The following PEX14 variants were observed in gnomAD, a reference collection of about 807,000 sequenced individuals.
PEX14 encodes peroxisomal membrane protein PEX14.
Under a neutral mutation model 49.5 loss-of-function variants are expected in PEX14, and 15 were observed. That is an observed-to-expected ratio of 0.30 (90% CI 0.20 to 0.47). The LOEUF is 0.47. Among genes scored for constraint, PEX14 ranks in the 20% least tolerant of loss-of-function variants. The pLI is 1.00. For missense variants in PEX14, 398 were observed against 494.8 expected, an observed-to-expected ratio of 0.80 and a Z score of 1.86; for synonymous variants, 210 against 212.7, an observed-to-expected ratio of 0.99 and a Z score of 0.11.
At chr1:10,489,571 C>A (rs585870) in intron 1 of PEX14, among the ~76,000 whole-genome samples, 111,783 of 152,116 alleles carry the variant, frequency 0.73, 41,300 homozygotes, top group African/African-American at 0.82. Context: ...ATGTCAGCTC[C>A]TAGCTTCTTC....
chr1:10,517,218 A>ACTCT (rs146875107), intron 2 of PEX14: 64,125 of 151,826 alleles, frequency 0.42, 14,723 homozygotes, highest in East Asian at 0.53. Context: ...TCTTCCCTTA[A>ACTCT]GTTCCAAGAA....
chr1:10,525,330 A>G (rs1005651314), intron 2 of PEX14, among the ~76,000 whole-genome samples: 1 of 152,218 alleles, frequency 6.6e-6, no homozygotes, highest in Non-Finnish European at 1.5e-5. Flanking sequence ...TAAAAAAAAA[A>G]AAAGACATTT....
At chr1:10,561,298 G>C (rs554013185) in intron 3 of PEX14, among the ~76,000 whole-genome samples, 1 of 152,144 alleles carries the variant, frequency 6.6e-6, no homozygotes, top group East Asian at 1.9e-4. Context: ...CAGATTCAGG[G>C]GACAGTCGGG....
rs1422425572 is a variant in PEX14 at position 10,577,573 on chromosome 1, T to A, written c.170-21665T>A. Among the ~76,000 whole-genome samples, 41 of 6,796 alleles carry A rather than the reference T, an allele frequency of 6.0e-3. 2 individuals carry two copies. The highest frequency in any genetic ancestry group is 0.018 in the African/African-American group (34 of 1,838). 4.5% of individuals were successfully genotyped at this position (6,796 alleles called of 152,430 possible). On this transcript the variant is annotated intron_variant, in intron 3 of 8. Coordinates refer to ENST00000356607, the MANE Select transcript of PEX14 (RefSeq NM_004565.3). ...ATATATATATATATATTTTTTTTTT[T>A]TTTTTTTTTTTTTTTTTTTTTTTTT...
chr1:10,534,307 G>A (rs964738032), intron 2 of PEX14, among the ~76,000 whole-genome samples: 15 of 152,004 alleles, frequency 9.9e-5, no homozygotes, highest in Non-Finnish European at 1.6e-4. Flanking sequence ...CAGTGACTGG[G>A]TACCTGTTCA....
At chr1:10,587,895 C>CTTTT (rs762006360) in intron 3 of PEX14, among the ~76,000 whole-genome samples, 2,184 of 54,290 alleles carry the variant, frequency 0.04, 87 homozygotes, top group Middle Eastern at 0.091. Flanking sequence ...CACACATGTG[C>CTTTT]TTTTTTTTTT....
intron 2 of PEX14, among the ~76,000 whole-genome samples, chr1:10,517,747 G>A (rs902434551): frequency 8.0e-5 from 12 of 150,746 alleles, no homozygotes; most frequent in African/African-American, 2.7e-4. Flanking sequence ...AGCATTGTCA[G>A]AGTATATGGG....
At chr1:10,513,270 C>G (rs1641915705) in intron 2 of PEX14, among the ~76,000 whole-genome samples, 1 of 152,142 alleles carries the variant, frequency 6.6e-6, no homozygotes, top group South Asian at 2.1e-4. Flanking sequence ...TTGTCTGATT[C>G]TAACATAGCT....
Position 10,542,329 on chromosome 1 carries a change from C to T in PEX14, c.169+6032C>T, listed in dbSNP as rs1445133956. Reference sequence around the variant, plus strand: ...CAGAAACACGAATGCTTTCTAAATACAGTGGTAGCATATTTTACACTTTAC... The same window carrying T: ...CAGAAACACGAATGCTTTCTAAATATAGTGGTAGCATATTTTACACTTTAC... On this transcript the variant is annotated intron_variant, in intron 3 of 8. Coordinates refer to ENST00000356607, the MANE Select transcript of PEX14 (RefSeq NM_004565.3). Among the ~76,000 whole-genome samples, 8 of 152,322 alleles carry T rather than the reference C, an allele frequency of 5.3e-5. No homozygotes were observed. In the South Asian group the frequency reaches 1.7e-3, roughly 32 times the overall value.
At chr1:10,583,372 A>G (rs1321098373) in intron 3 of PEX14, among the ~76,000 whole-genome samples, 3 of 137,074 alleles carry the variant, frequency 2.2e-5, no homozygotes, top group Non-Finnish European at 4.6e-5. Context: ...AATATACACC[A>G]TTGCACCCAG....
At chr1:10,627,152 G>A (rs1474341432) in intron 7 of PEX14, 120 bp from the exon 8 acceptor site, 1 of 765,044 alleles carries the variant, frequency 1.3e-6, no homozygotes, top group African/African-American at 1.7e-5. Context: ...CTTCCCCCGG[G>A]TTCCCCAGAA....
chr1:10,478,252 A>C (rs567759801), intron 1 of PEX14, among the ~76,000 whole-genome samples: 1 of 152,312 alleles, frequency 6.6e-6, no homozygotes, highest in African/African-American at 2.4e-5. Flanking sequence ...GTCTATTATT[A>C]TTATTATTCA....
At chr1:10,549,338 C>T (rs12128630) in intron 3 of PEX14, among the ~76,000 whole-genome samples, 36,127 of 152,084 alleles carry the variant, frequency 0.24, 4,736 homozygotes, top group East Asian at 0.33. Flanking sequence ...ATAAGTCACA[C>T]GCGGAATTGT....
chr1:10,534,599 G>A (rs928403139), intron 2 of PEX14, among the ~76,000 whole-genome samples: 1 of 151,996 alleles, frequency 6.6e-6, no homozygotes, highest in African/African-American at 2.4e-5. Flanking sequence ...GCCGTTTGGG[G>A]TCTCTAGAAT....
At chr1:10,563,755 G>A (rs1485835364) in intron 3 of PEX14, among the ~76,000 whole-genome samples, 1 of 151,862 alleles carries the variant, frequency 6.6e-6, no homozygotes, top group Non-Finnish European at 1.5e-5. Flanking sequence ...TACTAAAAAT[G>A]CAAAAAATTA....
intron 3 of PEX14, among the ~76,000 whole-genome samples, chr1:10,538,059 G>C (rs1291411772): frequency 1.3e-5 from 2 of 152,204 alleles, no homozygotes; most frequent in Admixed American, 6.5e-5. Flanking sequence ...GCAGAGAACC[G>C]AACAGACAAA....
At position 10,560,080 on chromosome 1, in the gene PEX14, G is replaced by A. The variant is rs149222254; in HGVS notation, c.169+23783G>A. ...ATCTATTTTTTTTTTTTTTTGAGAC[G>A]GAGTTTCACTTTTGTTGCTCAGGCT... On this transcript the variant is annotated intron_variant, in intron 3 of 8. Transcript: ENST00000356607. Among the ~76,000 whole-genome samples, 554 of 150,798 alleles carry A rather than the reference G, an allele frequency of 3.7e-3. 1 individual carries two copies. Among genetic ancestry groups the A allele is most frequent in the African/African-American group, 0.013 (515 of 40,852 alleles).
chr1:10,534,785 T>C (rs553962123), intron 2 of PEX14, among the ~76,000 whole-genome samples: 1 of 152,148 alleles, frequency 6.6e-6, no homozygotes, highest in Non-Finnish European at 1.5e-5. Flanking sequence ...AAAGTCAAGA[T>C]ACTGAGTTCA....
At chr1:10,609,911 A>C (rs1191564511) in intron 4 of PEX14, among the ~76,000 whole-genome samples, 4 of 151,868 alleles carry the variant, frequency 2.6e-5, no homozygotes, top group Non-Finnish European at 5.9e-5. Context: ...AATAAAAATA[A>C]AACATTTTGT....
Sources: gnomAD v4.1 joint callset for allele counts (sites outside exome capture counted in the v4.1 genomes callset) on GRCh38, gnomAD v4.1.1 for gene constraint, MANE v1.5 for transcripts, NCBI Gene and HGNC (gene_info 2026-07-23, HGNC 2026-07-21) for gene names.